CD44: variants seen among roughly 807,000 people sequenced by gnomAD.
CD44 encodes the protein CD44 molecule (IN blood group), also known as CD44 antigen.
Under a neutral mutation model 88.8 loss-of-function variants are expected in CD44, and 49 were observed. The ratio of observed to expected loss-of-function variants is 0.55; its 90% CI spans 0.44 to 0.70. The LOEUF is 0.70. Among genes scored for constraint, CD44 ranks in the 30% least tolerant of loss-of-function variants. CD44 has a pLI of 0.00. For missense variants in CD44, 883 were observed against 913.8 expected, an observed-to-expected ratio of 0.97 and a Z score of 0.43; for synonymous variants, 325 against 312.3, an observed-to-expected ratio of 1.04 and a Z score of -0.43.
At chr11:35,180,193 C>T (rs1944855642) in intron 2 of CD44, 81 bp from the exon 3 acceptor site, 1 of 1,398,922 alleles carries the variant, frequency 7.1e-7, no homozygotes, top group Non-Finnish European at 1.0e-6. Flanking sequence ...TGTTGCACGG[C>T]ATTAAATGTC....
chr11:35,163,236 T>A (rs76853255), intron 1 of CD44, among the ~76,000 whole-genome samples: 1,846 of 151,010 alleles, frequency 0.012, 49 homozygotes, highest in African/African-American at 0.043. Context: ...GTGCCAAGGG[T>A]TATGAATGAT....
intron 10 of CD44, chr11:35,205,826 TTCA>T (rs1222476115): frequency 2.9e-6 from 3 of 1,048,456 alleles, no homozygotes; most frequent in Admixed American, 5.6e-5. Flanking sequence ...GTACTTCTCC[TTCA>T]TCTTCCTTTG....
intron 1 of CD44, among the ~76,000 whole-genome samples, chr11:35,148,247 G>A (rs1361041473): frequency 2.0e-5 from 3 of 152,152 alleles, no homozygotes; most frequent in African/African-American, 7.2e-5. Context: ...CACAGATGTT[G>A]CCTCTGCTGA....
intron 3 of CD44, among the ~76,000 whole-genome samples, chr11:35,181,065 G>A (rs2133731799): frequency 6.6e-6 from 1 of 152,306 alleles, no homozygotes; most frequent in Admixed American, 6.5e-5. Flanking sequence ...TTCTCAGTGT[G>A]ATGGGAAGTC....
At chr11:35,198,385 A>T (rs904317322) in intron 7 of CD44, 139 bp downstream of exon 7, 2 of 671,014 alleles carry the variant, frequency 3.0e-6, no homozygotes, top group African/African-American at 3.6e-5. Flanking sequence ...TTATATCTTG[A>T]TGAGATTATG....
At chr11:35,174,508 C>T (rs879877237) in intron 1 of CD44, among the ~76,000 whole-genome samples, 1 of 152,166 alleles carries the variant, frequency 6.6e-6, no homozygotes, top group Non-Finnish European at 1.5e-5. Context: ...ATGCAGTTTC[C>T]TCAAGTGTAA....
At position 35,211,242 on chromosome 11, in the gene CD44, A is replaced by C. The variant is rs1296624661; in HGVS notation, c.1607-4A>C. On this transcript the variant is annotated splice_polypyrimidine_tract_variant and splice_region_variant and intron_variant, in intron 13 of 17. Transcript: ENST00000428726. ...GGTTCATCACTGATTCCACCTCCAC[A>C]CAGATAGGAATGATGTCACAGGTGG... The C allele has an allele frequency of 1.2e-6, 2 of 1,611,170 alleles. No individual in the cohort carries two copies. The highest frequency in any genetic ancestry group is 2.7e-5 in the African/African-American group (2 of 74,830).
chr11:35,203,340 C>A (rs1464369684), intron 9 of CD44, among the ~76,000 whole-genome samples: 1 of 152,066 alleles, frequency 6.6e-6, no homozygotes, highest in African/African-American at 2.4e-5. Context: ...CATACACTTC[C>A]TTATTTCTTT....
chr11:35,164,369 G>T (rs1229728496), intron 1 of CD44, among the ~76,000 whole-genome samples: 1 of 152,200 alleles, frequency 6.6e-6, no homozygotes, highest in Non-Finnish European at 1.5e-5. Flanking sequence ...GACTTCTCAA[G>T]GTATAGCATC....
At chr11:35,208,733 G>C (rs1336022088) in intron 12 of CD44, among the ~76,000 whole-genome samples, 4 of 152,164 alleles carry the variant, frequency 2.6e-5, no homozygotes, top group African/African-American at 9.7e-5. Context: ...ACAAAACATT[G>C]CTAGTATCTC....
chr11:35,186,903 ATGTCTC>A lies in CD44; in HGVS notation c.436+5_436+10del. The A allele has an allele frequency of 6.5e-7, 1 of 1,547,000 alleles. No individual in the cohort carries two copies. Among genetic ancestry groups the A allele is most frequent in the African/African-American group, 1.4e-5 (1 of 73,664 alleles). On this transcript the variant is annotated splice_donor_5th_base_variant and intron_variant, in intron 4 of 17. Coordinates refer to ENST00000428726, the MANE Select transcript of CD44 (RefSeq NM_000610.4). The stretch of plus-strand genomic sequence containing the variant: ...CTTTGATGGACCAATTACCATAAGT[ATGTCTC>A]TCTTCTAATCTTAATTAAATTTTCC...
chr11:35,204,460 A>G (rs1947632479), intron 9 of CD44, 52 bp from the exon 10 acceptor site: 1 of 1,586,048 alleles, frequency 6.3e-7, no homozygotes, highest in South Asian at 1.1e-5. Flanking sequence ...GTTGACAGCT[A>G]TTGGTGAGGA....
chr11:35,188,628 T>C (rs909644446), intron 4 of CD44, among the ~76,000 whole-genome samples: 2 of 152,098 alleles, frequency 1.3e-5, no homozygotes, highest in Non-Finnish European at 2.9e-5. Flanking sequence ...TTTTTTTTCA[T>C]TTATGTATTA....
chr11:35,214,834 C>T lies in CD44; in HGVS notation c.1811-18C>T, dbSNP rs1948688921. 2 of 1,491,194 alleles carry T rather than the reference C, an allele frequency of 1.3e-6. No homozygotes were observed. Among genetic ancestry groups the T allele is most frequent in the Non-Finnish European group, 1.8e-6 (2 of 1,108,616 alleles). The allele number at this position is 1,491,194 out of a possible 1,614,324, so 92.4% of individuals were successfully genotyped here. The stretch of plus-strand genomic sequence containing the variant: ...AGTGAAAACATGCAGTACTGACCTT[C>T]CTGATTGCTCATTACAGGAGACCAA... On this transcript the variant is annotated intron_variant, in intron 14 of 17. Transcript: ENST00000428726.
intron 2 of CD44, among the ~76,000 whole-genome samples, chr11:35,179,483 G>A (rs188893616): frequency 2.6e-5 from 4 of 152,230 alleles, no homozygotes; most frequent in East Asian, 1.9e-4. Flanking sequence ...TCTGTATGTC[G>A]TATCCAGCTG....
rs1294856005 is a variant in CD44, at chr11:35,201,066, A to G, written c.923-16A>G. On this transcript the variant is annotated splice_polypyrimidine_tract_variant and intron_variant, in intron 7 of 17. Coordinates refer to ENST00000428726, the MANE Select transcript of CD44 (RefSeq NM_000610.4). ...AAATAACATTTTTCTAATTGCTTCA[A>G]TCATCGTTATCACAGTTTCAACCAC... 27 of 1,573,920 alleles carry G rather than the reference A, an allele frequency of 1.7e-5. No individual in the cohort carries two copies. The highest frequency in any genetic ancestry group is 2.4e-5 in the Non-Finnish European group (27 of 1,143,408).
intron 3 of CD44, among the ~76,000 whole-genome samples, chr11:35,181,945 A>AT (rs1945150737): frequency 1.3e-5 from 1 of 77,168 alleles, no homozygotes; most frequent in Non-Finnish European, 2.4e-5. Context: ...AATTATATAT[A>AT]ATATATATAA....
chr11:35,221,037 G>A (rs1949253358), intron 16 of CD44, among the ~76,000 whole-genome samples: 1 of 152,124 alleles, frequency 6.6e-6, no homozygotes, highest in Non-Finnish European at 1.5e-5. Flanking sequence ...GGGATTACAG[G>A]CGTGAGCCAC....
intron 17 of CD44, among the ~76,000 whole-genome samples, chr11:35,227,703 C>T (rs570284016): frequency 3.0e-4 from 46 of 152,308 alleles, no homozygotes; most frequent in African/African-American, 9.6e-4. Context: ...GGGAATGGTC[C>T]ATGATCATGA....
Sources: allele counts gnomAD v4.1 joint callset (sites outside exome capture counted in the v4.1 genomes callset), GRCh38; gene constraint gnomAD v4.1.1; transcripts MANE v1.5; gene names NCBI Gene and HGNC (gene_info 2026-07-23, HGNC 2026-07-21).